Variants in FTO observed in about 807,000 individuals in gnomAD.
FTO encodes the protein alpha-ketoglutarate-dependent dioxygenase FTO.
Under a neutral mutation model 63.9 loss-of-function variants are expected in FTO, and 47 were observed. The ratio of observed to expected loss-of-function variants is 0.74; its 90% CI spans 0.58 to 0.94. The LOEUF is 0.94. Among genes scored for constraint, FTO ranks in the 40% least tolerant of loss-of-function variants. The probability of loss-of-function intolerance (pLI) is 0.00; values close to 1 mark genes in which losing one functional copy is unlikely to be tolerated. For synonymous variants in FTO, 207 were observed against 224.4 expected (o/e 0.92, Z 0.69); for missense variants, 562 against 618.1 (o/e 0.91, Z 0.96).
At chr16:54,071,980 A>G (rs2085884020) in intron 8 of FTO, 2 of 151,918 alleles carry the variant, frequency 1.3e-5, no homozygotes, top group South Asian at 2.1e-4. Context: ...ATCCACATCT[A>G]TTTTTCATTG....
intron 5 of FTO, among the ~76,000 whole-genome samples, chr16:53,878,019 C>T (rs1051438225): frequency 3.3e-5 from 5 of 152,180 alleles, no homozygotes; most frequent in Non-Finnish European, 7.3e-5. Flanking sequence ...ATGTTGTAGG[C>T]TGGGTGCAGT....
chr16:53,886,229 T>A (rs535712232), intron 6 of FTO, among the ~76,000 whole-genome samples: 24 of 152,200 alleles, frequency 1.6e-4, no homozygotes, highest in Non-Finnish European at 3.4e-4. Context: ...TAGTGTACCC[T>A]GATAGACTGG....
intron 8 of FTO, among the ~76,000 whole-genome samples, chr16:53,952,546 T>G (rs1056777278): frequency 3.9e-5 from 6 of 152,184 alleles, no homozygotes; most frequent in Non-Finnish European, 8.8e-5. Flanking sequence ...CTTAGAAAAG[T>G]ATCATAATTC....
intron 8 of FTO, among the ~76,000 whole-genome samples, chr16:53,957,021 A>G (rs2082947207): frequency 6.6e-6 from 1 of 152,162 alleles, no homozygotes; most frequent in Non-Finnish European, 1.5e-5. Flanking sequence ...TATAATATGT[A>G]GATGTTTGCT....
chr16:53,861,948 T>G lies in FTO; in HGVS notation c.896-11838T>G, dbSNP rs566867972. Among the ~76,000 whole-genome samples the G allele has an allele frequency of 1.1e-4, 16 of 152,220 alleles. 1 individual carries two copies. The highest frequency in any genetic ancestry group is 3.6e-4 in the African/African-American group (15 of 41,564). ...GCTATAGGATTCTTAAGTATCAAACTTCCCCCTTAAAACTCTGTAGAGGCT... is the reference window on the plus strand; with the variant it reads ...GCTATAGGATTCTTAAGTATCAAACGTCCCCCTTAAAACTCTGTAGAGGCT... On this transcript the variant is annotated intron_variant, in intron 4 of 8. Coordinates refer to ENST00000471389, the MANE Select transcript of FTO (RefSeq NM_001080432.3).
intron 8 of FTO, among the ~76,000 whole-genome samples, chr16:54,093,952 C>T (rs2086454478): frequency 6.6e-6 from 1 of 152,106 alleles, no homozygotes; most frequent in African/African-American, 2.4e-5. Context: ...CTTTGGGTCC[C>T]TGTGGCTGTC....
In FTO at chr16:54,111,782, G is replaced by A. The variant is rs779678337; in HGVS notation, c.1385G>A (p.Arg462Gln). 27 of 1,613,898 alleles carry A rather than the reference G, an allele frequency of 1.7e-5. No individual in the cohort carries two copies. The East Asian group carries it at 2.9e-4, about 17-fold the overall frequency. ...TCCAGGTGCCAGTCACGAATTGCCC[G>A]AACATTACCTGCTGATCAGAAGCCA... ...WHARCQSRIA[R>Q]TLPADQKPEC... is the part of the protein sequence containing the mutation. The change falls in exon 9 of 9, where the codon CGA becomes CAA. Residue 462 changes from arginine (R) to glutamine (Q), a missense_variant. Transcript: ENST00000471389.
chr16:53,783,026 G>A (rs2077626840), intron 1 of FTO, among the ~76,000 whole-genome samples: 2 of 152,088 alleles, frequency 1.3e-5, no homozygotes, highest in Non-Finnish European at 2.9e-5. Flanking sequence ...ATCTTTATCA[G>A]TAATTTAACA....
rs775778219 is a variant in FTO, at chr16:53,825,972, T to C, written c.232T>C (p.Leu78=). 13 of 1,614,174 alleles carry C rather than the reference T, an allele frequency of 8.1e-6. No individual in the cohort carries two copies. Among genetic ancestry groups the C allele is most frequent in the Non-Finnish European group, 8.5e-6 (10 of 1,180,036 alleles). Residue 78 remains leucine, a synonymous_variant, in exon 3 of 9, where the codon TTA becomes CTA. Transcript: ENST00000471389. Reference sequence around the variant, plus strand: ...TCTCACACTGCACAAGCATGGCTGCTTATTTCGGGACCTGGTTAGGATCCA... The same window carrying C: ...TCTCACACTGCACAAGCATGGCTGCCTATTTCGGGACCTGGTTAGGATCCA... The part of the protein sequence containing the change: ...AFLTLHKHGC[L]FRDLVRIQGK...
chr16:53,719,516 G>C (rs879090472), intron 1 of FTO, among the ~76,000 whole-genome samples: 121 of 151,742 alleles, frequency 8.0e-4, no homozygotes, highest in Admixed American at 7.9e-3. Flanking sequence ...GGGTAGAATT[G>C]TGTATAGTTT....
intron 1 of FTO, among the ~76,000 whole-genome samples, chr16:53,751,144 C>T (rs1391175285): frequency 1.3e-5 from 2 of 151,474 alleles, no homozygotes; most frequent in Non-Finnish European, 2.9e-5. Context: ...AGTGGTGGCT[C>T]ACACCTGTAA....
chr16:53,878,543 G>A (rs2151887965), intron 5 of FTO, among the ~76,000 whole-genome samples: 1 of 152,284 alleles, frequency 6.6e-6, no homozygotes, highest in Middle Eastern at 3.4e-3. Context: ...AATGTGCAAG[G>A]AAATTTTATA....
chr16:53,719,805 A>C (rs2151485192), intron 1 of FTO, among the ~76,000 whole-genome samples: 1 of 152,102 alleles, frequency 6.6e-6, no homozygotes. Context: ...TAATATGGAA[A>C]GTATTTCAAA....
At chr16:53,837,843 G>C (rs2079346588) in intron 3 of FTO, among the ~76,000 whole-genome samples, 1 of 152,184 alleles carries the variant, frequency 6.6e-6, no homozygotes. Flanking sequence ...TCTGAAAACA[G>C]ATCTGACTGG....
intron 4 of FTO, among the ~76,000 whole-genome samples, chr16:53,873,017 C>T (rs1417573193): frequency 6.6e-6 from 1 of 152,148 alleles, no homozygotes; most frequent in East Asian, 1.9e-4. Context: ...TCACCACCTA[C>T]TTCATTCTTG....
intron 1 of FTO, among the ~76,000 whole-genome samples, chr16:53,763,230 G>A (rs2077114097): frequency 6.6e-6 from 1 of 151,522 alleles, no homozygotes; most frequent in Non-Finnish European, 1.5e-5. Context: ...TTGCCCCTGT[G>A]CCCAGTATTT....
intron 4 of FTO, among the ~76,000 whole-genome samples, chr16:53,869,004 GTA>G (rs2080412315): frequency 6.6e-6 from 1 of 151,934 alleles, no homozygotes; most frequent in South Asian, 2.1e-4. Flanking sequence ...CCTGATTTTT[GTA>G]TTTTTAGTAT....
At chr16:53,879,771 A>T in intron 5 of FTO, 73 bp from the exon 6 acceptor site, 3 of 1,582,188 alleles carry the variant, frequency 1.9e-6, no homozygotes, top group Non-Finnish European at 2.6e-6. Flanking sequence ...ACAAATATGA[A>T]CAATCCTAGG....
chr16:53,791,484 G>C (rs1462328376), intron 1 of FTO, among the ~76,000 whole-genome samples: 1 of 152,146 alleles, frequency 6.6e-6, no homozygotes, highest in Non-Finnish European at 1.5e-5. Flanking sequence ...TCAGTGGAGA[G>C]CCTGGTCCTT....
Sources: allele counts gnomAD v4.1 joint callset (sites outside exome capture counted in the v4.1 genomes callset), GRCh38; gene constraint gnomAD v4.1.1; transcripts MANE v1.5; gene names NCBI Gene and HGNC (gene_info 2026-07-23, HGNC 2026-07-21).